Variants in UPF3B observed in about 807,000 individuals in gnomAD.
The protein encoded by UPF3B is UPF3B regulator of nonsense mediated mRNA decay, also known as regulator of nonsense transcripts 3B.
Under a neutral mutation model 40.3 loss-of-function variants are expected in UPF3B, and 7 were observed. That is an observed-to-expected ratio of 0.17 (90% confidence interval 0.10 to 0.33). The LOEUF is 0.33. Ranked by LOEUF, UPF3B falls within the 10% of genes least tolerant of loss-of-function variation. UPF3B has a pLI of 1.00. For synonymous variants in UPF3B, 117 were observed against 117.3 expected (o/e 1.00, Z 0.01); for missense variants, 229 against 358.9 (o/e 0.64, Z 2.93).
chrX:119,827,622 T>C (rs1262946421), intron 3 of UPF3B, among the ~76,000 whole-genome samples: 1 of 111,743 alleles, frequency 8.9e-6, no homozygotes. Context: ...GTCTCGGTCT[T>C]TTGACCTCGT....
chrX:119,807,397 C>G, intron 6 of UPF3B: 1 of 886,645 alleles, frequency 1.1e-6, no homozygotes, highest in Non-Finnish European at 1.4e-6. Context: ...CTTTGGCTGC[C>G]TAGACAGTCA....
chrX:119,834,220 G>T lies in UPF3B; in HGVS notation c.*658C>A. ...CTACATTTTACCTCTTAATAGAAAAGATGCTGATGACAAAACACGAAGTTT... is the reference window on the plus strand; with the variant it reads ...CTACATTTTACCTCTTAATAGAAAATATGCTGATGACAAAACACGAAGTTT... On this transcript the variant is annotated 3_prime_UTR_variant, in exon 11 of 11. Transcript: ENST00000276201. 1.3e-6 allele frequency: 1 copy of T among 754,829 alleles called. No homozygotes were observed. The highest frequency in any genetic ancestry group is 1.6e-6 in the Non-Finnish European group (1 of 639,293). The allele number at this position is 754,829 out of a possible 1,213,427, so 62.2% of individuals were successfully genotyped here.
chrX:119,829,539 C>A (rs2428223), downstream of UPF3B, among the ~76,000 whole-genome samples: 6,044 of 111,936 alleles, frequency 0.054, 348 homozygotes, highest in African/African-American at 0.18. Flanking sequence ...AGGCATCATA[C>A]TTGACCATTC....
intron 3 of UPF3B, among the ~76,000 whole-genome samples, chrX:119,824,118 AGGAG>A (rs1273733358): frequency 9.6e-6 from 1 of 104,119 alleles, no homozygotes; most frequent in Non-Finnish European, 2.0e-5. Context: ...ATTGCTTCGC[AGGAG>A]GGAGGGCCCT....
At chrX:119,850,788 G>C (rs2056293629) in intron 3 of UPF3B, among the ~76,000 whole-genome samples, 1 of 111,732 alleles carries the variant, frequency 8.9e-6, no homozygotes, top group South Asian at 3.7e-4. Context: ...CGCCAGGCTG[G>C]AGTGCAGTGG....
chrX:119,814,859 CTTTTTTTTTTTTTTT>C (rs140201169), intron 5 of UPF3B, among the ~76,000 whole-genome samples: 499 of 46,297 alleles, frequency 0.011, 13 homozygotes, highest in African/African-American at 0.037. Context: ...TTCTTTCTTT[CTTTTTTTTTTTTTTT>C]TTTTTTTTTG....
chrX:119,842,254 T>C (rs1424784527), intron 5 of UPF3B, among the ~76,000 whole-genome samples: 1 of 111,766 alleles, frequency 8.9e-6, no homozygotes, highest in Admixed American at 9.6e-5. Flanking sequence ...ATTTTCAACA[T>C]TCTGAATAAG....
At chrX:119,818,368 G>A (rs1045449753) in intron 4 of UPF3B, among the ~76,000 whole-genome samples, 5 of 111,982 alleles carry the variant, frequency 4.5e-5, no homozygotes, top group African/African-American at 1.3e-4. Context: ...AGGCCAAGGC[G>A]GGCGGGTCAT....
intron 3 of UPF3B, among the ~76,000 whole-genome samples, chrX:119,827,139 C>T (rs771758865): frequency 9.0e-6 from 1 of 111,402 alleles, no homozygotes; most frequent in Non-Finnish European, 1.9e-5. Flanking sequence ...AGGCATCTAC[C>T]TCACAGTCAG....
At chrX:119,828,033 C>CTT (rs373746448) in intron 3 of UPF3B, among the ~76,000 whole-genome samples, 4 of 101,852 alleles carry the variant, frequency 3.9e-5, no homozygotes, top group South Asian at 8.5e-4. Flanking sequence ...CGTGCCCGAC[C>CTT]TTTTTTTTTT....
chrX:119,842,575 ATCTC>A (rs746130492), intron 5 of UPF3B, among the ~76,000 whole-genome samples: 14 of 75,240 alleles, frequency 1.9e-4, no homozygotes, highest in African/African-American at 8.1e-4. Context: ...GCAAGACTCC[ATCTC>A]TCACACACAC....
intron 3 of UPF3B, 67 bp from the exon 4 acceptor site, chrX:119,845,363 C>T: frequency 1.1e-6 from 1 of 919,202 alleles, no homozygotes; most frequent in Non-Finnish European, 1.6e-6. Flanking sequence ...ATAAGGGAAT[C>T]AACCCATTGC....
At chrX:119,820,540 A>G (rs1180961218) in intron 4 of UPF3B, among the ~76,000 whole-genome samples, 1 of 104,129 alleles carries the variant, frequency 9.6e-6, no homozygotes, top group East Asian at 3.0e-4. Context: ...GCTCACTGGA[A>G]CCTCTGCCAC....
In UPF3B at chrX:119,840,730, A is replaced by G. The variant is rs775127368; in HGVS notation, c.808-46T>C. The stretch of plus-strand genomic sequence containing the variant: ...ACAGATGAGGTAACTTCATGTATCA[A>G]TTATGAAGAAAAAGCTGAAAAAAAA... On this transcript the variant is annotated intron_variant, in intron 7 of 10. Transcript: ENST00000276201. 9 of 1,138,293 alleles carry G rather than the reference A, an allele frequency of 7.9e-6. No individual in the cohort carries two copies. In the East Asian group the frequency reaches 1.5e-4, roughly 19 times the overall value. The allele number at this position is 1,138,293 out of a possible 1,213,427, so 93.8% of individuals were successfully genotyped here. A position where few individuals can be genotyped will look rare whatever the true frequency, so the allele number is the denominator to read the frequency against.
At chrX:119,831,184 C>G (rs1289143679), downstream of UPF3B, among the ~76,000 whole-genome samples, 1 of 111,727 alleles carries the variant, frequency 9.0e-6, no homozygotes. Flanking sequence ...TGCCGTGTAC[C>G]CCACGAGCAG....
intron 3 of UPF3B, among the ~76,000 whole-genome samples, chrX:119,823,857 A>G (rs1476607018): frequency 9.0e-6 from 1 of 111,494 alleles, no homozygotes; most frequent in African/African-American, 3.3e-5. Flanking sequence ...AGCCACCAAC[A>G]CTGGCCCCAG....
intron 3 of UPF3B, among the ~76,000 whole-genome samples, chrX:119,824,760 CTTTCT>C (rs1455665054): frequency 4.7e-5 from 4 of 84,308 alleles, no homozygotes; most frequent in Admixed American, 1.5e-4. Context: ...ATCTCCATTT[CTTTCT>C]TTTTTTTTTT....
At chrX:119,839,038 C>A (rs188141470) in intron 8 of UPF3B, among the ~76,000 whole-genome samples, 83 of 111,890 alleles carry the variant, frequency 7.4e-4, no homozygotes, top group African/African-American at 2.7e-3. Flanking sequence ...CGGCCTCCCA[C>A]AGTGCTGAGA....
At chrX:119,823,015 C>T in exon 4 of UPF3B, 1 of 873,121 alleles carries the variant, frequency 1.1e-6, no homozygotes, top group Non-Finnish European at 1.4e-6. Flanking sequence ...TCGAGCTCCT[C>T]GATGGTAACA....
Sources: allele counts gnomAD v4.1 joint callset (sites outside exome capture counted in the v4.1 genomes callset), GRCh38; gene constraint gnomAD v4.1.1; transcripts MANE v1.5; gene names NCBI Gene and HGNC (gene_info 2026-07-23, HGNC 2026-07-21).